BLOC1S3: variants seen among roughly 807,000 people sequenced by gnomAD.
The protein encoded by BLOC1S3 is biogenesis of lysosomal organelles complex 1 subunit 3.
In BLOC1S3, 7 loss-of-function variants were observed where a neutral mutation model predicts 9.1. That is an observed-to-expected ratio of 0.77 (90% CI 0.44 to 1.45). The LOEUF (loss-of-function observed/expected upper bound fraction) is 1.45, where lower values mean the gene tolerates loss of function less well. Ranked by LOEUF, BLOC1S3 falls within the 40% of genes most tolerant of loss-of-function variation. The pLI is 0.01. For missense variants in BLOC1S3, 307 were observed against 315.2 expected (o/e 0.97, Z 0.20); for synonymous variants, 145 against 158.4 (o/e 0.92, Z 0.64).
chr19:45,195,781 G>T (rs529065120), intron 2 of BLOC1S3, among the ~76,000 whole-genome samples: 2 of 152,142 alleles, frequency 1.3e-5, no homozygotes, highest in South Asian at 2.1e-4. Context: ...TTTTAGTAGA[G>T]ACAAGGTTTC....
At chr19:45,196,000 T>G (rs1969645820) in intron 2 of BLOC1S3, among the ~76,000 whole-genome samples, 1 of 152,210 alleles carries the variant, frequency 6.6e-6, no homozygotes, top group South Asian at 2.1e-4. Flanking sequence ...CTGCTAGTCA[T>G]TCCCCTATTG....
In BLOC1S3 at chr19:45,194,766, G is replaced by C. The variant is rs191852053; in HGVS notation, n.180+7026G>C. Among the ~76,000 whole-genome samples the C allele has an allele frequency of 8.9e-4, 135 of 152,232 alleles. 1 individual carries two copies. Among genetic ancestry groups the C allele is most frequent in the African/African-American group, 3.1e-3 (129 of 41,546 alleles). ...TCAGAACCAGGCAAAACCATGCTAG[G>C]GGTGTTGAAGGTCAGGACAGCAGTT... is the stretch of plus-strand genomic sequence containing the variant. On this transcript the variant is annotated intron_variant and non_coding_transcript_variant, in intron 2 of 3. Coordinates refer to the BLOC1S3 transcript ENST00000591569.
chr19:45,196,137 G>T (rs1227815934), intron 2 of BLOC1S3, among the ~76,000 whole-genome samples: 1 of 152,222 alleles, frequency 6.6e-6, no homozygotes, highest in Non-Finnish European at 1.5e-5. Context: ...ATGTGGAGTT[G>T]TTGGGTCAAA....
At chr19:45,204,219 G>A (rs1323576909) in intron 3 of BLOC1S3, among the ~76,000 whole-genome samples, 1 of 121,332 alleles carries the variant, frequency 8.2e-6, no homozygotes, top group Non-Finnish European at 1.7e-5. Flanking sequence ...ATGGAGTTTT[G>A]CTCTTGTTGT....
chr19:45,215,880 G>T, intron 3 of BLOC1S3, among the ~76,000 whole-genome samples: 1 of 152,260 alleles, frequency 6.6e-6, no homozygotes, highest in Admixed American at 6.5e-5. Context: ...TGGCGGTGGC[G>T]GCGGAGGCAG....
downstream of BLOC1S3, among the ~76,000 whole-genome samples, chr19:45,184,903 C>CAAAAAAAAAAAAAAAAAA (rs71338752): frequency 7.2e-4 from 35 of 48,286 alleles, 3 homozygotes; most frequent in Non-Finnish European, 1.1e-3. Flanking sequence ...CTGTCTCAAA[C>CAAAAAAAAAAAAAAAAAA]AAAAAAAAAA....
intron 2 of BLOC1S3, among the ~76,000 whole-genome samples, chr19:45,199,541 C>T (rs776650949): frequency 1.3e-5 from 2 of 151,946 alleles, no homozygotes; most frequent in Admixed American, 1.3e-4. Flanking sequence ...GTCTCAAACT[C>T]CTGACCTCGT....
intron 3 of BLOC1S3, among the ~76,000 whole-genome samples, chr19:45,209,537 T>G (rs1385825345): frequency 6.6e-6 from 1 of 152,144 alleles, no homozygotes; most frequent in Non-Finnish European, 1.5e-5. Flanking sequence ...TTCTCCTGCC[T>G]CAGCCTCCCG....
chr19:45,211,767 C>T (rs1029238879), intron 3 of BLOC1S3, among the ~76,000 whole-genome samples: 3 of 151,128 alleles, frequency 2.0e-5, no homozygotes, highest in Non-Finnish European at 4.4e-5. Context: ...CCAGTGCTAA[C>T]CCCTGGCTGC....
chr19:45,184,450 AC>A (rs1443768763), downstream of BLOC1S3, among the ~76,000 whole-genome samples: 1 of 152,114 alleles, frequency 6.6e-6, no homozygotes, highest in Non-Finnish European at 1.5e-5. Flanking sequence ...TACAAAAAAT[AC>A]AAAAACTAGC....
At chr19:45,193,959 C>T (rs1383645682) in intron 2 of BLOC1S3, among the ~76,000 whole-genome samples, 5 of 120,294 alleles carry the variant, frequency 4.2e-5, no homozygotes, top group South Asian at 3.0e-4. Context: ...CCCACCACCA[C>T]GCCCAGCTAA....
intron 3 of BLOC1S3, chr19:45,216,284 A>C: frequency 6.7e-7 from 1 of 1,495,168 alleles, no homozygotes; most frequent in African/African-American, 1.4e-5. Flanking sequence ...CATCTCTAAA[A>C]TGTAGCAGAA....
chr19:45,200,670 C>T (rs1163176543), intron 2 of BLOC1S3, among the ~76,000 whole-genome samples: 1 of 152,130 alleles, frequency 6.6e-6, no homozygotes, highest in Non-Finnish European at 1.5e-5. Context: ...TTGTTTAGTT[C>T]ACTTGGTGAG....
chr19:45,184,885 G>A (rs1424530511), downstream of BLOC1S3, among the ~76,000 whole-genome samples: 1 of 114,022 alleles, frequency 8.8e-6, no homozygotes, highest in Non-Finnish European at 1.7e-5. Flanking sequence ...GGGTGAAAGA[G>A]CGAGACTCTG....
intron 2 of BLOC1S3, among the ~76,000 whole-genome samples, chr19:45,190,215 T>C (rs977452529): frequency 1.1e-4 from 16 of 151,744 alleles, no homozygotes; most frequent in African/African-American, 3.9e-4. Context: ...CTTTAGTTTG[T>C]CAATTGAATT....
Position 45,181,527 on chromosome 19 carries a change from T to C in BLOC1S3, c.*1622T>C, listed in dbSNP as rs1969521656. ...TTGCAGATAAGAACGATATGATGTG[T>C]GGATTTCACTACATTTGGCTCCTGG... On this transcript the variant is annotated 3_prime_UTR_variant, in exon 2 of 2. Coordinates refer to ENST00000433642, the MANE Select transcript of BLOC1S3 (RefSeq NM_212550.5). The C allele has an allele frequency of 6.0e-6, 1 of 167,094 alleles. No individual in the cohort carries two copies. The allele number at this position is 167,094 out of a possible 1,614,324, so 10.4% of individuals were successfully genotyped here.
intron 2 of BLOC1S3, among the ~76,000 whole-genome samples, chr19:45,199,268 T>A (rs1189728960): frequency 1.3e-5 from 2 of 151,792 alleles, no homozygotes; most frequent in African/African-American, 2.4e-5. Context: ...AGATTTTTCC[T>A]TTTTGTGGCT....
At chr19:45,193,938 G>C (rs1969626949) in intron 2 of BLOC1S3, among the ~76,000 whole-genome samples, 1 of 116,386 alleles carries the variant, frequency 8.6e-6, no homozygotes, top group Non-Finnish European at 1.7e-5. Context: ...GAGTAGCCGG[G>C]ACTACAGGCA....
chr19:45,188,084 G>A (rs1046094665), intron 2 of BLOC1S3, among the ~76,000 whole-genome samples: 13 of 152,034 alleles, frequency 8.6e-5, no homozygotes, highest in African/African-American at 2.4e-4. Context: ...GTGCAGCAGC[G>A]TGATCTCAGC....
Sources: allele counts gnomAD v4.1 joint callset (sites outside exome capture counted in the v4.1 genomes callset), GRCh38; gene constraint gnomAD v4.1.1; transcripts MANE v1.5; gene names NCBI Gene and HGNC (gene_info 2026-07-23, HGNC 2026-07-21).